Variants in EP400 observed in about 807,000 individuals in gnomAD.
EP400 encodes the protein E1A binding protein p400.
EP400 carries 105 observed loss-of-function variants against 354.1 expected under a neutral mutation model. That is an observed-to-expected ratio of 0.30 (90% CI 0.25 to 0.35). The LOEUF (loss-of-function observed/expected upper bound fraction) is 0.35, where lower values mean the gene tolerates loss of function less well. EP400 is among the 10% of genes least tolerant of loss of function. EP400 has a pLI of 1.00. For missense variants in EP400, 3,280 were observed against 4,121.0 expected, an observed-to-expected ratio of 0.80 and a Z score of 5.59; for synonymous variants, 1,646 against 1,716.9, an observed-to-expected ratio of 0.96 and a Z score of 1.02.
In EP400 at chr12:131,990,348, G is replaced by C. The variant is rs961720803; in HGVS notation, c.2550+244G>C. On this transcript the variant is annotated intron_variant, in intron 8 of 52. Transcript: ENST00000389561. This position sits in a 1 kb window ranked among gnomAD's most constrained non-coding sequence, Gnocchi z 4.2. Reference sequence around the variant, plus strand: ...CTCTGAGGTGCTTCATGCCGTGGAGGGGCTCTGGGCATTGTTTCAGGGTTA... The same window carrying C: ...CTCTGAGGTGCTTCATGCCGTGGAGCGGCTCTGGGCATTGTTTCAGGGTTA... Among the ~76,000 whole-genome samples, 8 of 152,188 alleles carry C rather than the reference G, an allele frequency of 5.3e-5. No homozygotes were observed. The highest frequency in any genetic ancestry group is 1.2e-4 in the Non-Finnish European group (8 of 68,032).
chr12:131,963,418 C>A (rs1653636846), intron 2 of EP400: 1 of 734,274 alleles, frequency 1.4e-6, no homozygotes, highest in African/African-American at 1.8e-5. Flanking sequence ...GATGCAAAAA[C>A]ATTCCATTTT....
At chr12:131,982,969 C>CAAAA (rs57882341) in intron 5 of EP400, among the ~76,000 whole-genome samples, 4 of 112,400 alleles carry the variant, frequency 3.6e-5, no homozygotes, top group African/African-American at 5.6e-5. Context: ...GACTCTGTCT[C>CAAAA]AAAAAAAAAA....
chr12:131,971,449 G>A (rs982277314), intron 2 of EP400, among the ~76,000 whole-genome samples: 1 of 152,180 alleles, frequency 6.6e-6, no homozygotes, highest in Non-Finnish European at 1.5e-5. Flanking sequence ...ACACAGGAGT[G>A]CAGATACCTC....
rs761352121 is a variant in EP400 at position 132,021,143 on chromosome 12, G to A, written c.4512G>A (p.Ser1504=). Residue 1504 remains serine, a synonymous_variant, in exon 23 of 53, where the codon TCG becomes TCA. Transcript: ENST00000389561. ...SASAPRHQPA[S]ASSTAASPAH... is the part of the protein sequence containing the mutation. ...GTGCTCCACGACACCAGCCCGCCTCGGCCTCCAGCACAGCCGCTAGCCCGG... is the reference window on the plus strand; with the variant it reads ...GTGCTCCACGACACCAGCCCGCCTCAGCCTCCAGCACAGCCGCTAGCCCGG... The A allele has an allele frequency of 2.7e-5, 44 of 1,600,206 alleles. No homozygotes were observed. The highest frequency in any genetic ancestry group is 2.5e-4 in the Admixed American group (15 of 59,968).
At chr12:132,048,640 A>T (rs1373547127) in intron 39 of EP400, among the ~76,000 whole-genome samples, 1 of 151,214 alleles carries the variant, frequency 6.6e-6, no homozygotes, top group African/African-American at 2.4e-5. Context: ...CTCCTGCCTC[A>T]GCCTCCCGAG....
rs917805701 is a variant in EP400 at position 131,990,519 on chromosome 12, C to T, written c.2551-117C>T. ...AATAAATGAAAAAGCACCAAACTGA[C>T]GAGGCTGGAAAACACTGTTTTCAGA... On this transcript the variant is annotated intron_variant, in intron 8 of 52. Transcript: ENST00000389561. The surrounding 1 kb of genome is among the most constrained non-coding windows in gnomAD (Gnocchi z 4.2). The T allele has an allele frequency of 5.3e-6, 4 of 751,604 alleles. No homozygotes were observed. Among genetic ancestry groups the T allele is most frequent in the South Asian group, 1.9e-5 (1 of 53,382 alleles). 46.6% of individuals were successfully genotyped at this position (751,604 alleles called of 1,614,324 possible).
Position 132,064,817 on chromosome 12 carries a change from G to T in EP400, c.8484G>T (p.Thr2828=). 6.2e-7 allele frequency: 1 copy of T among 1,612,584 alleles called. No homozygotes were observed. Among genetic ancestry groups the T allele is most frequent in the Non-Finnish European group, 8.5e-7 (1 of 1,179,788 alleles). ...AGCAGCAGAGCCCCCAGCTCACGAC[G>T]GTCACGGCCCCAAGGCCTGGTGCCC... ...PPQQQSPQLT[T]VTAPRPGALL... Residue 2828 remains threonine (T), a synonymous_variant, in exon 48 of 53, where the codon ACG becomes ACT. Coordinates refer to ENST00000389561, the MANE Select transcript of EP400 (RefSeq NM_015409.5).
Position 132,055,085 on chromosome 12 carries a change from G to T in EP400, c.7775-14G>T, listed in dbSNP as rs372644122. 3.2e-5 allele frequency: 51 copies of T among 1,613,620 alleles called. No homozygotes were observed. The African/African-American group carries it at 6.4e-4, about 20-fold the overall frequency. The stretch of plus-strand genomic sequence containing the variant: ...CTCCTGGCGCTGTTGCCTTATGCCC[G>T]CCTGTCTCCGCAGGTGCCGTGAGTG... On this transcript the variant is annotated splice_polypyrimidine_tract_variant and intron_variant, in intron 44 of 52. Coordinates refer to ENST00000389561, the MANE Select transcript of EP400 (RefSeq NM_015409.5).
chr12:131,952,861 T>C (rs899226669), intron 1 of EP400, among the ~76,000 whole-genome samples: 1 of 152,224 alleles, frequency 6.6e-6, no homozygotes, highest in Non-Finnish European at 1.5e-5. Context: ...TCCATCTTTT[T>C]TTTTAATAAG....
chr12:132,079,723 A>G lies in EP400; in HGVS notation c.*2050A>G, dbSNP rs1318269593. ...GCTTAATGGGATTCTGAATATTTGCAATGTGGAGTTTCCGCCCCGATCTCA... is the reference window on the plus strand; with the variant it reads ...GCTTAATGGGATTCTGAATATTTGCGATGTGGAGTTTCCGCCCCGATCTCA... On this transcript the variant is annotated 3_prime_UTR_variant, in exon 53 of 53. Coordinates refer to ENST00000389561, the MANE Select transcript of EP400 (RefSeq NM_015409.5). 1 of 152,238 alleles carries G rather than the reference A, an allele frequency of 6.6e-6. No individual in the cohort carries two copies. Among genetic ancestry groups the G allele is most frequent in the Non-Finnish European group, 1.5e-5 (1 of 68,036 alleles). 9.4% of individuals were successfully genotyped at this position (152,238 alleles called of 1,614,324 possible).
intron 1 of EP400, among the ~76,000 whole-genome samples, chr12:131,957,475 T>G (rs1014003688): frequency 6.6e-6 from 1 of 151,706 alleles, no homozygotes; most frequent in Non-Finnish European, 1.5e-5. Flanking sequence ...TTTTGGTTTT[T>G]TTTTTTTCCT....
chr12:131,974,368 G>A (rs1892397342), intron 2 of EP400, among the ~76,000 whole-genome samples: 1 of 151,876 alleles, frequency 6.6e-6, no homozygotes. Flanking sequence ...CTCCCGCCTC[G>A]GCCTCCCAAA....
chr12:132,077,475 C>G lies in EP400; in HGVS notation c.9174C>G (p.Thr3058=). The change falls in exon 53 of 53, where the codon ACC becomes ACG. Residue 3058 remains threonine (T), a synonymous_variant. Coordinates refer to ENST00000389561, the MANE Select transcript of EP400 (RefSeq NM_015409.5). ...GQQVQMIPAV[T]ATAQVVQQKL... is the part of the protein sequence containing the mutation. ...AGGTGCAGATGATCCCTGCAGTGAC[C>G]GCGACTGCCCAGGTGGTTCAGCAGA... 1 of 1,613,466 alleles carries G rather than the reference C, an allele frequency of 6.2e-7. No individual in the cohort carries two copies. Among genetic ancestry groups the G allele is most frequent in the Non-Finnish European group, 8.5e-7 (1 of 1,180,004 alleles).
chr12:131,991,731 C>T (rs964032158), intron 10 of EP400, among the ~76,000 whole-genome samples: 2 of 151,940 alleles, frequency 1.3e-5, no homozygotes, highest in African/African-American at 4.8e-5. Flanking sequence ...TAGGCGCACG[C>T]CACCACACCT....
chr12:132,047,695 G>C (rs1895153413), intron 39 of EP400, among the ~76,000 whole-genome samples: 1 of 152,144 alleles, frequency 6.6e-6, no homozygotes, highest in Non-Finnish European at 1.5e-5. Flanking sequence ...ATGAAGTTTC[G>C]GGCAGGCACT....
At chr12:132,007,011 G>T in intron 15 of EP400, 134 bp downstream of exon 15, 1 of 925,004 alleles carries the variant, frequency 1.1e-6, no homozygotes, top group Non-Finnish European at 1.6e-6. Context: ...TGAGCAAATT[G>T]AGGCTCAGAA....
rs1893598396 is a variant in EP400, at chr12:132,006,862, C to T, written c.3289C>T (p.Leu1097=). 1.2e-6 allele frequency: 2 copies of T among 1,613,804 alleles called. No individual in the cohort carries two copies. Among genetic ancestry groups the T allele is most frequent in the East Asian group, 4.5e-5 (2 of 44,868 alleles). ...GCAGATCATTGCTTTTTTTGCCCAC[C>T]TAGCTTGTAACGAAGGTAAGAGTTT... is the stretch of plus-strand genomic sequence containing the variant. ...TVQIIAFFAH[L]ACNEGNWGPH... Residue 1097 remains leucine (L), a synonymous_variant, in exon 15 of 53, where the codon CTA becomes TTA. Transcript: ENST00000389561.
rs906421376 is a variant in EP400, at chr12:132,052,572, A to G, written c.7395-574A>G. ...CAGTACGTCTTCAGACCCACTGCAC[A>G]TTTTACCTGTTTGTCGTCTGATGTG... On this transcript the variant is annotated intron_variant, in intron 41 of 52. Coordinates refer to ENST00000389561, the MANE Select transcript of EP400 (RefSeq NM_015409.5). This position sits in a 1 kb window ranked among gnomAD's most constrained non-coding sequence, Gnocchi z 4.4. Among the ~76,000 whole-genome samples the G allele has an allele frequency of 6.6e-6, 1 of 152,178 alleles. No individual in the cohort carries two copies. Among genetic ancestry groups the G allele is most frequent in the African/African-American group, 2.4e-5 (1 of 41,426 alleles).
chr12:132,068,289 G>A (rs78240947), intron 50 of EP400: 520 of 152,596 alleles, frequency 3.4e-3, no homozygotes, highest in Non-Finnish European at 6.4e-3. Context: ...TTCCCTGAGC[G>A]CTGTGCTGGA....
Sources: gnomAD v4.1 joint callset for allele counts (sites outside exome capture counted in the v4.1 genomes callset) on GRCh38, gnomAD v4.1.1 for gene constraint, Gnocchi (gnomAD v3.1) non-coding constraint, MANE v1.5 for transcripts, NCBI Gene and HGNC (gene_info 2026-07-23, HGNC 2026-07-21) for gene names.